The following TMEM63C variants were observed in gnomAD, a reference collection of about 807,000 sequenced individuals.
TMEM63C encodes transmembrane protein 63C, also known as osmosensitive cation channel TMEM63C.
A neutral mutation model predicts 99.2 loss-of-function variants in TMEM63C; 32 were observed. The ratio of observed to expected loss-of-function variants is 0.32; its 90% confidence interval spans 0.24 to 0.43. The LOEUF is 0.43. Ranked by LOEUF, TMEM63C falls within the 20% of genes least tolerant of loss-of-function variation. TMEM63C has a pLI of 1.00. For synonymous variants in TMEM63C, 376 were observed against 397.9 expected (o/e 0.94, Z 0.66); for missense variants, 826 against 1,053.0 (o/e 0.78, Z 2.98).
chr14:77,191,072 A>G (rs986717795), intron 1 of TMEM63C, among the ~76,000 whole-genome samples: 1 of 152,250 alleles, frequency 6.6e-6, no homozygotes, highest in African/African-American at 2.4e-5. Flanking sequence ...TTGTTTGTAT[A>G]TAAACAGACT....
Position 77,238,694 on chromosome 14 carries a change from G to A in TMEM63C, c.652G>A (p.Val218Ile). The change falls in exon 10 of 24, where the codon GTC becomes ATC. Residue 218 changes from valine to isoleucine, a missense_variant and splice_region_variant. Val to Ile is a conservative substitution (Grantham distance 29). Transcript: ENST00000298351. ...LGFAPRNSQK[V>I]TRTLMITYVP... ...CTCCATTTTTATTTTTCCCACCCAG[G>A]TCACAAGGACACTAATGATCACCTA... 6.2e-7 allele frequency: 1 copy of A among 1,613,116 alleles called. No individual in the cohort carries two copies. The highest frequency in any genetic ancestry group is 8.5e-7 in the Non-Finnish European group (1 of 1,179,122).
intron 20 of TMEM63C, 86 bp from the exon 21 acceptor site, chr14:77,249,205 G>A: frequency 7.1e-7 from 1 of 1,408,214 alleles, no homozygotes; most frequent in South Asian, 1.3e-5. Context: ...CCGTGGATCT[G>A]GCTTCTCAGG....
intron 16 of TMEM63C, among the ~76,000 whole-genome samples, chr14:77,245,115 A>G (rs1889247219): frequency 6.6e-6 from 1 of 152,248 alleles, no homozygotes; most frequent in Admixed American, 6.5e-5. Context: ...CCTAACGGAA[A>G]TCCTTCCTGG....
At chr14:77,196,319 G>C (rs2140094051) in intron 1 of TMEM63C, 1 of 152,594 alleles carries the variant, frequency 6.6e-6, no homozygotes, top group South Asian at 2.1e-4. Flanking sequence ...TGGCCATCCT[G>C]GCCGCCCATG....
At chr14:77,207,064 C>T (rs1359124039) in intron 1 of TMEM63C, among the ~76,000 whole-genome samples, 5 of 152,240 alleles carry the variant, frequency 3.3e-5, no homozygotes, top group African/African-American at 1.2e-4. Context: ...CCACAGCTGC[C>T]TCTGCCTTCT....
At chr14:77,251,968 C>G (rs1889369798) in intron 22 of TMEM63C, 70 bp downstream of exon 22, 2 of 1,236,542 alleles carry the variant, frequency 1.6e-6, no homozygotes, top group Non-Finnish European at 2.4e-6. Context: ...GGATACTCTC[C>G]AGGTCTGGGC....
chr14:77,194,553 C>CTTTCTTTTTTCTTTCTT (rs56115104), intron 1 of TMEM63C, among the ~76,000 whole-genome samples: 1 of 125,048 alleles, frequency 8.0e-6, no homozygotes, highest in African/African-American at 3.2e-5. Context: ...TTCTTTCTTT[C>CTTTCTTTTTTCTTTCTT]TCTTTCTTTC....
intron 22 of TMEM63C, 100 bp downstream of exon 22, chr14:77,251,998 G>A (rs1889370488): frequency 1.0e-6 from 1 of 977,772 alleles, no homozygotes; most frequent in African/African-American, 1.6e-5. Flanking sequence ...ACCACAGGAT[G>A]AAAGGGTCTC....
intron 1 of TMEM63C, among the ~76,000 whole-genome samples, chr14:77,211,411 T>C (rs1344182936): frequency 1.3e-5 from 2 of 152,250 alleles, no homozygotes; most frequent in African/African-American, 4.8e-5. Context: ...GAGAATTAAA[T>C]GAGCTAGTAC....
chr14:77,249,777 C>T (rs1889327053), intron 21 of TMEM63C, among the ~76,000 whole-genome samples: 1 of 152,196 alleles, frequency 6.6e-6, no homozygotes, highest in African/African-American at 2.4e-5. Flanking sequence ...TATTGGGAGG[C>T]TCAGTTCCCA....
chr14:77,242,854 C>G lies in TMEM63C; in HGVS notation c.1188-49C>G, dbSNP rs776725835. 1.5e-5 allele frequency: 24 copies of G among 1,610,404 alleles called. No homozygotes were observed. The East Asian group carries it at 4.0e-4, about 27-fold the overall frequency. On this transcript the variant is annotated intron_variant, in intron 14 of 23. Coordinates refer to ENST00000298351, the MANE Select transcript of TMEM63C (RefSeq NM_020431.4). ...GCCTGCAGCAAACAGCACGTGGGCT[C>G]TAAGAACTGATGTCTCTAAATGTGC...
At chr14:77,225,131 A>C (rs1888794082) in intron 5 of TMEM63C, among the ~76,000 whole-genome samples, 1 of 152,176 alleles carries the variant, frequency 6.6e-6, no homozygotes, top group Non-Finnish European at 1.5e-5. Context: ...ACAGACAGAG[A>C]GCAACAGACG....
chr14:77,218,099 A>G (rs1594856949), intron 2 of TMEM63C, among the ~76,000 whole-genome samples: 1 of 152,316 alleles, frequency 6.6e-6, no homozygotes, highest in East Asian at 1.9e-4. Flanking sequence ...ATTGTTTGTA[A>G]CCCAAAGGAT....
chr14:77,186,811 G>GTGTC (rs869196926), intron 1 of TMEM63C, among the ~76,000 whole-genome samples: 121 of 147,766 alleles, frequency 8.2e-4, no homozygotes, highest in Non-Finnish European at 1.5e-3. Context: ...CTGTGTGTGT[G>GTGTC]TGTGTGTGTC....
chr14:77,193,819 A>C (rs1005777498), intron 1 of TMEM63C, among the ~76,000 whole-genome samples: 1 of 146,146 alleles, frequency 6.8e-6, no homozygotes, highest in Non-Finnish European at 1.5e-5. Flanking sequence ...GAGCAACAAG[A>C]GCGAAACTCC....
intron 23 of TMEM63C, among the ~76,000 whole-genome samples, chr14:77,255,404 G>C (rs1889444469): frequency 6.6e-6 from 1 of 152,210 alleles, no homozygotes; most frequent in Non-Finnish European, 1.5e-5. Context: ...ATCTTTTAGA[G>C]CTTGTCCAAC....
intron 1 of TMEM63C, among the ~76,000 whole-genome samples, chr14:77,207,015 A>ACT (rs3037028): frequency 0.059 from 8,984 of 152,142 alleles, 351 homozygotes; most frequent in Admixed American, 0.095. Flanking sequence ...TCCCTGAGTC[A>ACT]CTGCCCAGCT....
In TMEM63C at chr14:77,253,366, C is replaced by T; in HGVS notation, c.2210C>T (p.Pro737Leu). ...DMEPSSTSSTPTSLLYVATVL... is the reference protein window; with the variant it reads ...DMEPSSTSSTLTSLLYVATVL... ...GAGCCAAGCAGCACCTCCTCCACGC[C>T]CACCTCCCTCGTGAGTCCTGAGTCC... Residue 737 changes from proline to leucine, a missense_variant, in exon 23 of 24, where the codon CCC becomes CTC. Coordinates refer to ENST00000298351, the MANE Select transcript of TMEM63C (RefSeq NM_020431.4). 1 of 1,611,094 alleles carries T rather than the reference C, an allele frequency of 6.2e-7. No individual in the cohort carries two copies. The highest frequency in any genetic ancestry group is 8.5e-7 in the Non-Finnish European group (1 of 1,178,940).
chr14:77,258,847 G>C lies in TMEM63C; in HGVS notation c.*2121G>C, dbSNP rs1889525871. On this transcript the variant is annotated 3_prime_UTR_variant, in exon 24 of 24. Transcript: ENST00000298351. ...GGAAGCCACATATGGGAAAAGTCCT[G>C]GCAGACAATGTGGCGGGATGACTGG... The C allele has an allele frequency of 6.6e-6, 1 of 152,352 alleles. No individual in the cohort carries two copies. The highest frequency in any genetic ancestry group is 1.5e-5 in the Non-Finnish European group (1 of 68,148). The allele number at this position is 152,352 out of a possible 1,614,324, so 9.4% of individuals were successfully genotyped here.
Sources: allele counts gnomAD v4.1 joint callset (sites outside exome capture counted in the v4.1 genomes callset), GRCh38; gene constraint gnomAD v4.1.1; transcripts MANE v1.5; gene names NCBI Gene and HGNC (gene_info 2026-07-23, HGNC 2026-07-21).